SH3PXD2A: variants seen among roughly 807,000 people sequenced by gnomAD.
SH3PXD2A encodes SH3 and PX domain-containing protein 2A.
In SH3PXD2A, 32 loss-of-function variants were observed where a neutral mutation model predicts 115.2. That is an observed-to-expected ratio of 0.28 (90% CI 0.21 to 0.37). SH3PXD2A has a LOEUF of 0.37. Ranked by LOEUF, SH3PXD2A falls within the 10% of genes least tolerant of loss-of-function variation. SH3PXD2A has a pLI of 1.00. For missense variants in SH3PXD2A, 1,328 were observed against 1,498.7 expected (o/e 0.89, Z 1.88); for synonymous variants, 610 against 629.1 (o/e 0.97, Z 0.45).
chr10:103,696,686 C>T (rs775782892), intron 5 of SH3PXD2A, among the ~76,000 whole-genome samples: 22 of 152,136 alleles, frequency 1.4e-4, no homozygotes, highest in African/African-American at 4.1e-4. Flanking sequence ...GGAGGAAGGG[C>T]GGGGCTAGCA....
At chr10:103,661,165 C>T (rs376149646) in intron 7 of SH3PXD2A, 51 bp from the exon 8 acceptor site, 3 of 1,590,458 alleles carry the variant, frequency 1.9e-6, no homozygotes, top group Non-Finnish European at 2.6e-6. Flanking sequence ...CATGGCCCCG[C>T]GGCCAGGGCG....
In SH3PXD2A at chr10:103,801,375, G is replaced by A. The variant is rs771365665; in HGVS notation, c.73-13C>T. On this transcript the variant is annotated splice_polypyrimidine_tract_variant and intron_variant, in intron 1 of 14. Transcript: ENST00000369774. ...TGATTATGTATACCTGTGGGAAAAA[G>A]GTAAGAGCAGGTGAGCAAGGCTGGA... is the stretch of plus-strand genomic sequence containing the variant. 6 of 1,538,310 alleles carry A rather than the reference G, an allele frequency of 3.9e-6. No individual in the cohort carries two copies. Among genetic ancestry groups the A allele is most frequent in the Non-Finnish European group, 5.4e-6 (6 of 1,111,226 alleles).
rs192741596 is a variant in SH3PXD2A, at chr10:103,640,085, C to T, written c.605-12883G>A. 6.8e-3 allele frequency among the ~76,000 whole-genome samples: 1,037 copies of T among 152,250 alleles called. 8 individuals are homozygous for T. Among genetic ancestry groups the T allele is most frequent in the Middle Eastern group, 0.014 (4 of 294 alleles). ...ATCCCAGCATTTTGGGAGGCCGAGG[C>T]GGGCGGATCACCTGAGGTTAGGAGT... On this transcript the variant is annotated intron_variant, in intron 8 of 14. Transcript: ENST00000369774.
chr10:103,634,573 C>T (rs991826152), intron 8 of SH3PXD2A, among the ~76,000 whole-genome samples: 33 of 152,148 alleles, frequency 2.2e-4, no homozygotes, highest in Admixed American at 2.0e-3. Context: ...GTTGCATGCA[C>T]GAGTATAAGG....
chr10:103,660,707 C>A (rs544359778), intron 8 of SH3PXD2A, among the ~76,000 whole-genome samples: 1 of 152,370 alleles, frequency 6.6e-6, no homozygotes, highest in South Asian at 2.1e-4. Context: ...GGGACCCCAG[C>A]AGGGCTGGCC....
intron 1 of SH3PXD2A, among the ~76,000 whole-genome samples, chr10:103,811,697 G>C (rs535697492): frequency 1.3e-5 from 2 of 152,344 alleles, no homozygotes; most frequent in East Asian, 3.9e-4. Context: ...GTTGGTGACA[G>C]AGACAATGAT....
intron 6 of SH3PXD2A, chr10:103,678,041 C>T (rs1238958396): frequency 2.8e-6 from 3 of 1,077,002 alleles, no homozygotes; most frequent in East Asian, 1.2e-4. Flanking sequence ...CTCCCAGCAT[C>T]TGCTTTAATG....
chr10:103,729,417 C>T (rs1311856250), intron 4 of SH3PXD2A, among the ~76,000 whole-genome samples: 7 of 152,236 alleles, frequency 4.6e-5, no homozygotes, highest in African/African-American at 1.7e-4. Flanking sequence ...TAAACAGCAC[C>T]ATCACCAGTG....
chr10:103,741,473 G>C (rs761126332), intron 3 of SH3PXD2A, among the ~76,000 whole-genome samples: 1 of 152,138 alleles, frequency 6.6e-6, no homozygotes, highest in Non-Finnish European at 1.5e-5. Flanking sequence ...TAGAGAATTT[G>C]TCAGGAAGCC....
intron 1 of SH3PXD2A, among the ~76,000 whole-genome samples, chr10:103,835,631 G>A (rs1008872057): frequency 1.3e-5 from 2 of 152,022 alleles, no homozygotes; most frequent in Non-Finnish European, 2.9e-5. Flanking sequence ...GGAGGCCCAG[G>A]GGGGTGAACT....
At chr10:103,693,519 A>G (rs1370554113) in intron 5 of SH3PXD2A, 1 of 151,948 alleles carries the variant, frequency 6.6e-6, no homozygotes, top group Admixed American at 6.5e-5. Flanking sequence ...GATGCAAAGA[A>G]TTGGGAGGTG....
intron 8 of SH3PXD2A, among the ~76,000 whole-genome samples, chr10:103,636,520 G>A (rs1345912862): frequency 3.3e-5 from 5 of 152,060 alleles, no homozygotes; most frequent in African/African-American, 9.7e-5. Flanking sequence ...GGCCAGGAGA[G>A]GGACCAGGGC....
intron 1 of SH3PXD2A, among the ~76,000 whole-genome samples, chr10:103,813,776 GA>G (rs1309667004): frequency 6.6e-6 from 1 of 152,122 alleles, no homozygotes; most frequent in Non-Finnish European, 1.5e-5. Context: ...GGGCTGTAGG[GA>G]ATTTCAGGTT....
chr10:103,795,640 C>T (rs959527268), intron 2 of SH3PXD2A, among the ~76,000 whole-genome samples: 1 of 152,136 alleles, frequency 6.6e-6, no homozygotes, highest in Non-Finnish European at 1.5e-5. Flanking sequence ...TATAAGGTTT[C>T]CCTATAATAT....
At chr10:103,705,305 G>A (rs1463820809) in intron 5 of SH3PXD2A, among the ~76,000 whole-genome samples, 1 of 152,224 alleles carries the variant, frequency 6.6e-6, no homozygotes, top group African/African-American at 2.4e-5. Context: ...AAGGGCGGGC[G>A]TGGGCCAGGC....
chr10:103,794,561 C>T (rs967317381), intron 2 of SH3PXD2A, among the ~76,000 whole-genome samples: 2 of 152,166 alleles, frequency 1.3e-5, no homozygotes, highest in African/African-American at 2.4e-5. Flanking sequence ...AGGCTGGAAA[C>T]GTGGTCCAGC....
At chr10:103,654,207 G>T (rs774346975) in intron 8 of SH3PXD2A, among the ~76,000 whole-genome samples, 6 of 152,090 alleles carry the variant, frequency 3.9e-5, no homozygotes, top group Admixed American at 1.3e-4. Context: ...GACTTGTGTC[G>T]CCAACCCTTC....
intron 2 of SH3PXD2A, among the ~76,000 whole-genome samples, chr10:103,771,322 G>A (rs1011225782): frequency 6.6e-6 from 1 of 152,190 alleles, no homozygotes; most frequent in Admixed American, 6.5e-5. Flanking sequence ...GATTCTCACA[G>A]TGCAGAGGGA....
intron 2 of SH3PXD2A, among the ~76,000 whole-genome samples, chr10:103,785,033 A>G (rs889004224): frequency 6.6e-6 from 1 of 152,200 alleles, no homozygotes; most frequent in Non-Finnish European, 1.5e-5. Flanking sequence ...AAATGTGATC[A>G]GGTGCTCACC....
Sources: gnomAD v4.1 joint callset for allele counts (sites outside exome capture counted in the v4.1 genomes callset) on GRCh38, gnomAD v4.1.1 for gene constraint, MANE v1.5 for transcripts, NCBI Gene and HGNC (gene_info 2026-07-23, HGNC 2026-07-21) for gene names.